Variants in LDLRAD3 observed in about 807,000 individuals in gnomAD.
LDLRAD3 encodes the protein low density lipoprotein receptor class A domain containing 3, also known as low-density lipoprotein receptor class A domain-containing protein 3.
A neutral mutation model predicts 29.4 loss-of-function variants in LDLRAD3; 20 were observed. The observed-to-expected ratio is 0.68, with a 90% confidence interval of 0.48 to 0.99. LDLRAD3 has a LOEUF of 0.99. Ranked by LOEUF, LDLRAD3 falls within the 50% of genes least tolerant of loss-of-function variation. LDLRAD3 has a pLI of 0.00. For missense variants in LDLRAD3, 420 were observed against 454.3 expected (o/e 0.92, Z 0.69); for synonymous variants, 157 against 192.7 (o/e 0.81, Z 1.53).
At chr11:35,992,715 C>A (rs1322362763) in intron 1 of LDLRAD3, among the ~76,000 whole-genome samples, 1 of 152,124 alleles carries the variant, frequency 6.6e-6, no homozygotes, top group African/African-American at 2.4e-5. Flanking sequence ...GGAAATAGGG[C>A]ATGGCTGCTA....
chr11:36,068,602 C>T (rs913992057), intron 2 of LDLRAD3, among the ~76,000 whole-genome samples: 5 of 152,264 alleles, frequency 3.3e-5, no homozygotes, highest in African/African-American at 1.2e-4. Context: ...CTGCAATCAC[C>T]GCCTCTTGGG....
At chr11:36,217,671 G>T (rs770541164) in intron 4 of LDLRAD3, among the ~76,000 whole-genome samples, 3 of 152,214 alleles carry the variant, frequency 2.0e-5, no homozygotes, top group African/African-American at 2.4e-5. Context: ...GAGGCCAGAA[G>T]TGCAAATTGA....
chr11:35,999,532 C>T (rs1201078207), intron 1 of LDLRAD3, among the ~76,000 whole-genome samples: 1 of 152,190 alleles, frequency 6.6e-6, no homozygotes, highest in Non-Finnish European at 1.5e-5. Context: ...TTCTTGGCTT[C>T]TCATTGGAGG....
In LDLRAD3 at chr11:36,213,202, G is replaced by A. The variant is rs1236288311; in HGVS notation, c.455-13883G>A. Among the ~76,000 whole-genome samples, 4 of 152,058 alleles carry A rather than the reference G, an allele frequency of 2.6e-5. No homozygotes were observed. Among genetic ancestry groups the A allele is most frequent in the Non-Finnish European group, 4.4e-5 (3 of 68,024 alleles). ...AATGGTCCTGGTTCCCAGCATCCTG[G>A]CAGATGGGTCTCCTCTCTCATTTCC... On this transcript the variant is annotated intron_variant, in intron 4 of 5. Transcript: ENST00000315571. This position sits in a 1 kb window ranked among gnomAD's most constrained non-coding sequence, Gnocchi z 4.1.
chr11:36,198,054 A>C (rs1162976991), intron 4 of LDLRAD3, among the ~76,000 whole-genome samples: 1 of 152,168 alleles, frequency 6.6e-6, no homozygotes, highest in African/African-American at 2.4e-5. Context: ...CTGTCTCTAA[A>C]AAATACCAAA....
At chr11:36,084,315 A>G (rs1161415742) in intron 3 of LDLRAD3, among the ~76,000 whole-genome samples, 2 of 152,178 alleles carry the variant, frequency 1.3e-5, no homozygotes, top group Non-Finnish European at 2.9e-5. Flanking sequence ...CATAGCTACC[A>G]TTTAAAAATA....
At position 36,098,421 on chromosome 11, in the gene LDLRAD3, T is replaced by G; in HGVS notation, c.414T>G (p.Cys138Trp). The G allele has an allele frequency of 1.9e-6, 3 of 1,614,180 alleles. No individual in the cohort carries two copies. Among genetic ancestry groups the G allele is most frequent in the Non-Finnish European group, 2.5e-6 (3 of 1,180,024 alleles). The change falls in exon 4 of 6, where the codon TGT becomes TGG. Residue 138 changes from cysteine (C) to tryptophan (W), a missense_variant. Cys to Trp is a radical substitution (Grantham distance 215). Around this residue, in one of 3 missense-constraint regions of LDLRAD3, gnomAD observed 224 missense variants for 222.2 expected, o/e 1.01. Coordinates refer to ENST00000315571, the MANE Select transcript of LDLRAD3 (RefSeq NM_174902.4). ...KSFICDGQNNCQDNSDEESCE... is the reference protein window; with the variant it reads ...KSFICDGQNNWQDNSDEESCE... ...TCATCTGCGATGGACAGAATAACTG[T>G]CAAGACAACAGTGATGAGGAAAGCT...
chr11:36,029,974 A>T (rs916864221), intron 1 of LDLRAD3, among the ~76,000 whole-genome samples: 6 of 152,180 alleles, frequency 3.9e-5, no homozygotes, highest in African/African-American at 1.4e-4. Context: ...AAATCTGTGG[A>T]TATCAATAGC....
intron 1 of LDLRAD3, among the ~76,000 whole-genome samples, chr11:35,982,274 G>A (rs189179115): frequency 1.3e-5 from 2 of 152,128 alleles, no homozygotes; most frequent in African/African-American, 4.8e-5. Flanking sequence ...GTCGTTCCTT[G>A]GGCAGCATTC....
intron 2 of LDLRAD3, among the ~76,000 whole-genome samples, chr11:36,059,219 A>G (rs1852663350): frequency 6.6e-6 from 1 of 152,108 alleles, no homozygotes; most frequent in African/African-American, 2.4e-5. Context: ...TGAGAAAATT[A>G]GCTGGTCAGT....
At position 36,040,077 on chromosome 11, in the gene LDLRAD3, G is replaced by C. The variant is rs193060469; in HGVS notation, c.193+3828G>C. Reference sequence around the variant, plus strand: ...CTTTGGAGCAACTGGGTACTTAAGGGGAGGTGAGTGAAGGTGGCAGTGTTC... The same window carrying C: ...CTTTGGAGCAACTGGGTACTTAAGGCGAGGTGAGTGAAGGTGGCAGTGTTC... On this transcript the variant is annotated intron_variant, in intron 2 of 5. Coordinates refer to ENST00000315571, the MANE Select transcript of LDLRAD3 (RefSeq NM_174902.4). Among the ~76,000 whole-genome samples, 212 of 152,290 alleles carry C rather than the reference G, an allele frequency of 1.4e-3. 1 individual carries two copies. Among genetic ancestry groups the C allele is most frequent in the African/African-American group, 4.9e-3 (203 of 41,562 alleles).
chr11:36,198,570 C>T (rs185697230), intron 4 of LDLRAD3, among the ~76,000 whole-genome samples: 3 of 152,250 alleles, frequency 2.0e-5, no homozygotes, highest in East Asian at 1.9e-4. Context: ...GGTTTGCTTC[C>T]CCCCCATCCC....
chr11:36,093,386 C>T (rs1371270139), intron 3 of LDLRAD3, among the ~76,000 whole-genome samples: 1 of 152,074 alleles, frequency 6.6e-6, no homozygotes, highest in Non-Finnish European at 1.5e-5. Flanking sequence ...TCTCCAGAGG[C>T]ATCCATTGCT....
chr11:35,966,006 T>C (rs1851336662), intron 1 of LDLRAD3, among the ~76,000 whole-genome samples: 1 of 152,256 alleles, frequency 6.6e-6, no homozygotes, highest in African/African-American at 2.4e-5. Context: ...ACTGACCTAC[T>C]GAATTCTCTT....
intron 4 of LDLRAD3, among the ~76,000 whole-genome samples, chr11:36,151,509 C>T (rs1854277429): frequency 6.6e-6 from 1 of 152,174 alleles, no homozygotes; most frequent in Non-Finnish European, 1.5e-5. Flanking sequence ...CCCAGGGCCA[C>T]ATAGCTAGTA....
rs143576350 is a variant in LDLRAD3, at chr11:36,203,180, G to A, written c.455-23905G>A. The stretch of plus-strand genomic sequence containing the variant: ...TACGGTAGTGCAATCATAGTTCACC[G>A]TGACCTTGAACTCTTGGCCTCAAGC... On this transcript the variant is annotated intron_variant, in intron 4 of 5. Coordinates refer to ENST00000315571, the MANE Select transcript of LDLRAD3 (RefSeq NM_174902.4). Among the ~76,000 whole-genome samples the A allele has an allele frequency of 8.4e-3, 1,284 of 152,156 alleles. 13 individuals are homozygous for A. Among genetic ancestry groups the A allele is most frequent in the Middle Eastern group, 0.034 (10 of 294 alleles).
intron 4 of LDLRAD3, among the ~76,000 whole-genome samples, chr11:36,216,963 C>CT (rs543954573): frequency 4.4e-4 from 67 of 152,308 alleles, no homozygotes; most frequent in African/African-American, 1.6e-3. Flanking sequence ...TGGATTCTGA[C>CT]TTCAGACTCC....
At chr11:36,158,400 A>G (rs937488029) in intron 4 of LDLRAD3, among the ~76,000 whole-genome samples, 1 of 151,862 alleles carries the variant, frequency 6.6e-6, no homozygotes, top group African/African-American at 2.4e-5. Context: ...CCAAGGGTCC[A>G]CCTTCAGCTC....
chr11:36,074,342 G>A (rs1852958771), intron 2 of LDLRAD3, among the ~76,000 whole-genome samples: 1 of 152,190 alleles, frequency 6.6e-6, no homozygotes, highest in Non-Finnish European at 1.5e-5. Context: ...GAGCGACTAA[G>A]GGTGGGAGTG....
Sources: gnomAD v4.1 joint callset for allele counts (sites outside exome capture counted in the v4.1 genomes callset) on GRCh38, gnomAD v4.1.1 for gene constraint, gnomAD v4.1.1 regional missense constraint, Gnocchi (gnomAD v3.1) non-coding constraint, MANE v1.5 for transcripts, NCBI Gene and HGNC (gene_info 2026-07-23, HGNC 2026-07-21) for gene names.